The following SLIT3 variants were observed in gnomAD, a reference collection of about 807,000 sequenced individuals.
The protein encoded by SLIT3 is slit homolog 3 protein.
A neutral mutation model predicts 184.0 loss-of-function variants in SLIT3; 68 were observed. That is an observed-to-expected ratio of 0.37 (90% confidence interval 0.30 to 0.45). SLIT3 has a LOEUF of 0.45. Ranked by LOEUF, SLIT3 falls within the 20% of genes least tolerant of loss-of-function variation. The pLI, the probability that SLIT3 is intolerant of heterozygous loss-of-function variation, is 1.00. For synonymous variants in SLIT3, 831 were observed against 828.6 expected (o/e 1.00, Z -0.05); for missense variants, 1,707 against 2,026.0 (o/e 0.84, Z 3.02).
At chr5:168,999,684 C>A (rs1295626110) in intron 4 of SLIT3, among the ~76,000 whole-genome samples, 2 of 152,222 alleles carry the variant, frequency 1.3e-5, no homozygotes, top group Admixed American at 1.3e-4. Flanking sequence ...GCAGAGGAGG[C>A]ACACAGCCCA....
chr5:169,174,192 A>G (rs1207875239), intron 4 of SLIT3, among the ~76,000 whole-genome samples: 1 of 152,164 alleles, frequency 6.6e-6, no homozygotes, highest in Non-Finnish European at 1.5e-5. Flanking sequence ...ATCCTACCTC[A>G]AGGCTCTGCA....
intron 4 of SLIT3, among the ~76,000 whole-genome samples, chr5:168,979,674 C>T (rs1754886288): frequency 6.6e-6 from 1 of 152,174 alleles, no homozygotes; most frequent in Non-Finnish European, 1.5e-5. Flanking sequence ...TGGGGCCAAA[C>T]AGGACTCCCT....
intron 4 of SLIT3, among the ~76,000 whole-genome samples, chr5:168,970,627 T>A (rs1754545747): frequency 6.6e-6 from 1 of 152,196 alleles, no homozygotes; most frequent in South Asian, 2.1e-4. Context: ...CCACAGATTA[T>A]ATTGCTTACA....
intron 4 of SLIT3, among the ~76,000 whole-genome samples, chr5:168,911,037 C>T (rs1214530890): frequency 6.6e-6 from 1 of 152,046 alleles, no homozygotes; most frequent in Non-Finnish European, 1.5e-5. Context: ...AAACCAAAAG[C>T]AGAAAAGCTA....
chr5:169,051,107 CTTG>C (rs758721798), intron 4 of SLIT3, among the ~76,000 whole-genome samples: 1 of 152,120 alleles, frequency 6.6e-6, no homozygotes, highest in Non-Finnish European at 1.5e-5. Flanking sequence ...AACTTCTAAA[CTTG>C]TTGTCAGAAG....
rs1248070458 is a variant in SLIT3 at position 168,837,162 on chromosome 5, C to T, written c.557+7422G>A. Among the ~76,000 whole-genome samples, 3 of 152,188 alleles carry T rather than the reference C, an allele frequency of 2.0e-5. No individual in the cohort carries two copies. The East Asian group carries it at 5.8e-4, about 29-fold the overall frequency. ...AGGGGCTGAATGGAAGTTACAGATGCTTTCTATAGAGTGCAATTTTAATCC... is the reference window on the plus strand; with the variant it reads ...AGGGGCTGAATGGAAGTTACAGATGTTTTCTATAGAGTGCAATTTTAATCC... On this transcript the variant is annotated intron_variant, in intron 6 of 35. Coordinates refer to ENST00000519560, the MANE Select transcript of SLIT3 (RefSeq NM_003062.4).
At chr5:168,761,972 T>C (rs1056895864) in intron 15 of SLIT3, among the ~76,000 whole-genome samples, 9 of 147,794 alleles carry the variant, frequency 6.1e-5, no homozygotes, top group African/African-American at 2.2e-4. Context: ...GGTCTCACTA[T>C]GTTGCCCAGG....
At chr5:168,976,283 T>C (rs1413676611) in intron 4 of SLIT3, among the ~76,000 whole-genome samples, 2 of 152,180 alleles carry the variant, frequency 1.3e-5, no homozygotes, top group East Asian at 3.9e-4. Context: ...TTTTGCAAAC[T>C]ACAGGTCACT....
chr5:169,170,172 G>C (rs879890490), intron 4 of SLIT3, among the ~76,000 whole-genome samples: 1 of 152,216 alleles, frequency 6.6e-6, no homozygotes, highest in African/African-American at 2.4e-5. Flanking sequence ...AACACCTCAT[G>C]CCGCCTCCAC....
intron 14 of SLIT3, among the ~76,000 whole-genome samples, chr5:168,769,942 A>G (rs1755486483): frequency 6.6e-6 from 1 of 152,172 alleles, no homozygotes; most frequent in African/African-American, 2.4e-5. Context: ...TAAGGTTTCT[A>G]AAAGTTCTGT....
At chr5:169,000,626 C>G (rs1365517199) in intron 4 of SLIT3, among the ~76,000 whole-genome samples, 1 of 152,068 alleles carries the variant, frequency 6.6e-6, no homozygotes, top group Non-Finnish European at 1.5e-5. Context: ...GAAGTCAGAG[C>G]ATGACGTTAA....
At chr5:169,169,684 A>C (rs1323692739) in intron 4 of SLIT3, among the ~76,000 whole-genome samples, 2 of 152,196 alleles carry the variant, frequency 1.3e-5, no homozygotes, top group African/African-American at 4.8e-5. Context: ...AGCACACCCC[A>C]AATTACTTGC....
intron 8 of SLIT3, among the ~76,000 whole-genome samples, chr5:168,811,790 A>G (rs1300671147): frequency 6.6e-6 from 1 of 152,232 alleles, no homozygotes; most frequent in East Asian, 1.9e-4. Flanking sequence ...TACAGCTACA[A>G]CGGAAAACAG....
At chr5:168,998,748 T>C (rs952811878) in intron 4 of SLIT3, among the ~76,000 whole-genome samples, 12 of 139,274 alleles carry the variant, frequency 8.6e-5, no homozygotes, top group African/African-American at 3.2e-4. Flanking sequence ...CAAAAGGCCA[T>C]TGAACAGGGT....
intron 13 of SLIT3, 110 bp downstream of exon 13, chr5:168,774,125 A>C: frequency 9.3e-7 from 1 of 1,077,022 alleles, no homozygotes; most frequent in Non-Finnish European, 1.4e-6. Context: ...CAGGCTCTAG[A>C]ACTCCTCCTG....
At chr5:169,014,096 AAGGCAGGCAGGCAGGC>A (rs60057409) in intron 4 of SLIT3, among the ~76,000 whole-genome samples, 1 of 150,216 alleles carries the variant, frequency 6.7e-6, no homozygotes, top group Non-Finnish European at 1.5e-5. Context: ...TGTGGGAAGG[AAGGCAGGCAGGCAGGC>A]AGGCAGGCAG....
chr5:168,707,173 T>C (rs1017051443), intron 26 of SLIT3: 9 of 152,374 alleles, frequency 5.9e-5, no homozygotes, highest in African/African-American at 1.9e-4. Context: ...GCTTCGGACA[T>C]TGAGTTGAAC....
chr5:169,299,005 C>T (rs961218096), intron 1 of SLIT3, among the ~76,000 whole-genome samples: 10 of 152,316 alleles, frequency 6.6e-5, no homozygotes, highest in Non-Finnish European at 7.3e-5. Flanking sequence ...ACCACTAAAA[C>T]AAGTTTTTCA....
intron 3 of SLIT3, among the ~76,000 whole-genome samples, chr5:169,210,656 C>A (rs1764233141): frequency 6.6e-6 from 1 of 151,990 alleles, no homozygotes. Flanking sequence ...TTGAACATGA[C>A]AAAGACCGTT....
Sources: allele counts gnomAD v4.1 joint callset (sites outside exome capture counted in the v4.1 genomes callset), GRCh38; gene constraint gnomAD v4.1.1; transcripts MANE v1.5; gene names NCBI Gene and HGNC (gene_info 2026-07-23, HGNC 2026-07-21).